TAFA2: variants seen among roughly 807,000 people sequenced by gnomAD.
TAFA2 encodes the protein chemokine-like protein TAFA-2.
Under a neutral mutation model 18.8 loss-of-function variants are expected in TAFA2, and 7 were observed. That is an observed-to-expected ratio of 0.37 (90% CI 0.21 to 0.70). The LOEUF is 0.70. TAFA2 is among the 30% of genes least tolerant of loss of function. The pLI is 0.53. For synonymous variants in TAFA2, 60 were observed against 54.2 expected (o/e 1.11, Z -0.47); for missense variants, 122 against 158.1 (o/e 0.77, Z 1.23).
rs201629675 is a variant in TAFA2 at position 61,918,013 on chromosome 12, A to AT, written c.-1-50588dup. On this transcript the variant is annotated intron_variant, in intron 1 of 4. Transcript: ENST00000416284. ...TTGGGTATAAGAACCATGCTTATTT[A>AT]TTTTTTTTTTCATTTGTCTGGGTAC... Among the ~76,000 whole-genome samples, 598 of 148,738 alleles carry AT rather than the reference A, an allele frequency of 4.0e-3. 5 individuals carry two copies. Among genetic ancestry groups the AT allele is most frequent in the African/African-American group, 0.013 (518 of 40,326 alleles).
At position 62,012,412 on chromosome 12, in the gene TAFA2, TAA is replaced by T. The variant is rs11301631; in HGVS notation, c.-1-144988_-1-144987del. On this transcript the variant is annotated intron_variant, in intron 1 of 4. Transcript: ENST00000416284. ...ATCATCTTTCTCATATTTCAGCATTTAAAAAAAAAAAAAAAAGACTGTTGATT... is the reference window on the plus strand; with the variant it reads ...ATCATCTTTCTCATATTTCAGCATTTAAAAAAAAAAAAAAGACTGTTGATT... Among the ~76,000 whole-genome samples the T allele has an allele frequency of 8.9e-3, 1,286 of 144,930 alleles. 1 individual carries two copies. The highest frequency in any genetic ancestry group is 0.016 in the African/African-American group (635 of 39,446).
At chr12:61,964,493 A>G (rs2136657601) in intron 1 of TAFA2, among the ~76,000 whole-genome samples, 1 of 151,832 alleles carries the variant, frequency 6.6e-6, no homozygotes, top group East Asian at 2.0e-4. Context: ...TAATGTTCCA[A>G]GCACTTCAAA....
chr12:61,940,348 G>T (rs1167975250), intron 1 of TAFA2, among the ~76,000 whole-genome samples: 1 of 152,232 alleles, frequency 6.6e-6, no homozygotes, highest in African/African-American at 2.4e-5. Flanking sequence ...TGGTGGTATG[G>T]AGAAAATAAA....
rs917502956 is a variant in TAFA2 at position 61,844,756 on chromosome 12, T to C, written c.106+22564A>G. Among the ~76,000 whole-genome samples, 5 of 152,170 alleles carry C rather than the reference T, an allele frequency of 3.3e-5. No homozygotes were observed. In the East Asian group the frequency reaches 7.7e-4, roughly 23 times the overall value. ...GAACAATTATCAGCCATGTGAGAAT[T>C]CATTATTAGTTTCTAGAAAATCATC... On this transcript the variant is annotated intron_variant, in intron 2 of 4. Transcript: ENST00000416284.
intron 1 of TAFA2, among the ~76,000 whole-genome samples, chr12:62,228,569 A>G (rs539170887): frequency 3.3e-5 from 5 of 152,258 alleles, no homozygotes; most frequent in African/African-American, 9.6e-5. Context: ...ACTTTTTTAT[A>G]ATAGCCATTC....
At chr12:61,791,568 A>T (rs938116123) in intron 2 of TAFA2, among the ~76,000 whole-genome samples, 1 of 151,864 alleles carries the variant, frequency 6.6e-6, no homozygotes, top group Admixed American at 6.6e-5. Context: ...ACCTGAATAG[A>T]CATTTCTTTA....
At chr12:61,905,122 A>C (rs1876287132) in intron 1 of TAFA2, among the ~76,000 whole-genome samples, 1 of 152,192 alleles carries the variant, frequency 6.6e-6, no homozygotes. Context: ...ATGACCAAAC[A>C]GTATTATTCT....
chr12:62,129,529 C>T (rs1187525750), intron 1 of TAFA2, among the ~76,000 whole-genome samples: 2 of 152,000 alleles, frequency 1.3e-5, no homozygotes, highest in East Asian at 1.9e-4. Flanking sequence ...TGGTAATGAA[C>T]GTTGACAAAG....
intron 1 of TAFA2, among the ~76,000 whole-genome samples, chr12:61,967,190 T>A (rs1428556273): frequency 6.6e-6 from 1 of 151,808 alleles, no homozygotes; most frequent in Non-Finnish European, 1.5e-5. Flanking sequence ...GCCTTGTACT[T>A]TTCTGTAACC....
chr12:61,943,633 A>C (rs1210728138), intron 1 of TAFA2, among the ~76,000 whole-genome samples: 1 of 152,092 alleles, frequency 6.6e-6, no homozygotes, highest in Non-Finnish European at 1.5e-5. Context: ...TGGAAAACAA[A>C]AAAAGGCAGG....
At chr12:62,004,726 C>CTCCCATA (rs1370401407) in intron 1 of TAFA2, among the ~76,000 whole-genome samples, 1 of 152,042 alleles carries the variant, frequency 6.6e-6, no homozygotes, top group Non-Finnish European at 1.5e-5. Flanking sequence ...GATATCAGTG[C>CTCCCATA]TCCCATATTC....
intron 2 of TAFA2, among the ~76,000 whole-genome samples, chr12:61,796,750 T>C (rs1172169685): frequency 6.6e-6 from 1 of 152,188 alleles, no homozygotes; most frequent in Non-Finnish European, 1.5e-5. Flanking sequence ...TTTGTCTTTG[T>C]GCTTAATAGA....
At chr12:62,222,602 G>A (rs943326881) in intron 1 of TAFA2, among the ~76,000 whole-genome samples, 1 of 151,916 alleles carries the variant, frequency 6.6e-6, no homozygotes, top group Non-Finnish European at 1.5e-5. Context: ...CCACCTCCCG[G>A]GTCATGCCAT....
intron 1 of TAFA2, among the ~76,000 whole-genome samples, chr12:62,225,436 A>G (rs956318020): frequency 6.6e-6 from 1 of 152,182 alleles, no homozygotes; most frequent in Non-Finnish European, 1.5e-5. Flanking sequence ...AAACTGTTAT[A>G]ATCTTGAAAT....
chr12:62,147,654 C>T (rs112843001), intron 1 of TAFA2, among the ~76,000 whole-genome samples: 11 of 147,220 alleles, frequency 7.5e-5, no homozygotes, highest in East Asian at 4.0e-4. Flanking sequence ...GGGGTGAACC[C>T]GGGAGGCGGA....
At chr12:62,084,596 C>A (rs1333643569) in intron 1 of TAFA2, among the ~76,000 whole-genome samples, 1 of 152,106 alleles carries the variant, frequency 6.6e-6, no homozygotes, top group African/African-American at 2.4e-5. Context: ...CCTCCAGGGG[C>A]TCATTCACGT....
chr12:61,912,643 T>G (rs772853754), intron 1 of TAFA2, among the ~76,000 whole-genome samples: 10 of 152,184 alleles, frequency 6.6e-5, no homozygotes, highest in Non-Finnish European at 1.2e-4. Context: ...TTCTCTTTTC[T>G]CAGTGGAATC....
chr12:62,001,019 C>T (rs1387696267), intron 1 of TAFA2, among the ~76,000 whole-genome samples: 1 of 152,130 alleles, frequency 6.6e-6, no homozygotes, highest in African/African-American at 2.4e-5. Flanking sequence ...CTTCCCCCTG[C>T]CTATTGAATC....
intron 1 of TAFA2, among the ~76,000 whole-genome samples, chr12:62,124,505 G>C (rs941559077): frequency 6.6e-6 from 1 of 151,976 alleles, no homozygotes; most frequent in Non-Finnish European, 1.5e-5. Context: ...CATCAAAAGG[G>C]AAATAGTAAA....
Sources: gnomAD v4.1 joint callset for allele counts (sites outside exome capture counted in the v4.1 genomes callset) on GRCh38, gnomAD v4.1.1 for gene constraint, MANE v1.5 for transcripts, NCBI Gene and HGNC (gene_info 2026-07-23, HGNC 2026-07-21) for gene names.